Variants in WWOX observed in about 807,000 individuals in gnomAD.
The protein encoded by WWOX is WW domain-containing oxidoreductase.
In WWOX, 69 loss-of-function variants were observed where a neutral mutation model predicts 46.2. The ratio of observed to expected loss-of-function variants is 1.49; its 90% confidence interval spans 1.23 to 1.82. The LOEUF is 1.82. Among genes scored for constraint, WWOX ranks in the 40% most tolerant of loss-of-function variants. WWOX has a pLI of 0.00. For missense variants in WWOX, 919 were observed against 542.6 expected, an observed-to-expected ratio of 1.69 and a Z score of -6.89; for synonymous variants, 359 against 202.6, an observed-to-expected ratio of 1.77 and a Z score of -6.56.
intron 5 of WWOX, among the ~76,000 whole-genome samples, chr16:78,213,837 C>A (rs1014620218): frequency 2.0e-5 from 3 of 152,132 alleles, no homozygotes; most frequent in African/African-American, 7.2e-5. Flanking sequence ...TAAGTGTATT[C>A]GGTGCCTGAG....
chr16:78,443,333 AT>A (rs1403331032), intron 8 of WWOX, among the ~76,000 whole-genome samples: 1 of 151,856 alleles, frequency 6.6e-6, no homozygotes. Flanking sequence ...CCAAAACTAT[AT>A]GTGCAAGCCT....
chr16:78,451,932 G>C (rs974292636), intron 8 of WWOX, among the ~76,000 whole-genome samples: 7 of 152,150 alleles, frequency 4.6e-5, no homozygotes, highest in African/African-American at 9.7e-5. Context: ...GTAATGTATT[G>C]TTGGAGCCCT....
intron 5 of WWOX, among the ~76,000 whole-genome samples, chr16:78,343,964 T>A (rs1376049839): frequency 8.3e-6 from 1 of 120,374 alleles, no homozygotes; most frequent in South Asian, 2.5e-4. Flanking sequence ...TTTCTTCCTT[T>A]GCCTTCCTCC....
intron 8 of WWOX, among the ~76,000 whole-genome samples, chr16:79,091,455 C>T (rs1597367207): frequency 6.6e-6 from 1 of 152,082 alleles, no homozygotes; most frequent in South Asian, 2.1e-4. Context: ...TTCATTCTAC[C>T]CAATTTTTGT....
chr16:79,212,374 C>T lies in WWOX; in HGVS notation c.*578C>T, dbSNP rs2051795243. On this transcript the variant is annotated 3_prime_UTR_variant, in exon 9 of 9. Transcript: ENST00000566780. ...TGACACCCAGAGGGAGTAGAATACG[C>T]AGAACTACCAGGTGGCAAAGTACTT... The T allele has an allele frequency of 2.0e-6, 1 of 512,624 alleles. No individual in the cohort carries two copies. Among genetic ancestry groups the T allele is most frequent in the Non-Finnish European group, 3.4e-6 (1 of 297,428 alleles). 31.8% of individuals were successfully genotyped at this position (512,624 alleles called of 1,614,324 possible). A position where few individuals can be genotyped will look rare whatever the true frequency, so the allele number is the denominator to read the frequency against.
At chr16:78,200,242 C>T (rs537275748) in intron 5 of WWOX, among the ~76,000 whole-genome samples, 5 of 151,908 alleles carry the variant, frequency 3.3e-5, no homozygotes, top group Admixed American at 2.6e-4. Context: ...AAAAATTCCT[C>T]GCCCGACTTC....
In WWOX at chr16:78,310,117, C is replaced by G. The variant is rs150646135; in HGVS notation, c.517-76743C>G. Among the ~76,000 whole-genome samples the G allele has an allele frequency of 2.0e-3, 298 of 152,028 alleles. 1 individual carries two copies. Among genetic ancestry groups the G allele is most frequent in the African/African-American group, 7.1e-3 (295 of 41,450 alleles). On this transcript the variant is annotated intron_variant, in intron 5 of 8. Coordinates refer to ENST00000566780, the MANE Select transcript of WWOX (RefSeq NM_016373.4). ...TATCATCATCCATAGCTCTCTTGCC[C>G]CATTGTTTTAAACCCATCTGTTTTT...
intron 8 of WWOX, among the ~76,000 whole-genome samples, chr16:78,612,992 A>T (rs1354987530): frequency 6.6e-6 from 1 of 151,996 alleles, no homozygotes; most frequent in Non-Finnish European, 1.5e-5. Context: ...TGGATCTATG[A>T]CCCTGTCCTT....
intron 8 of WWOX, among the ~76,000 whole-genome samples, chr16:79,115,851 G>A (rs574213065): frequency 6.6e-6 from 1 of 152,210 alleles, no homozygotes; most frequent in Non-Finnish European, 1.5e-5. Flanking sequence ...CAATTCGGAT[G>A]TGTTAGAATG....
intron 5 of WWOX, among the ~76,000 whole-genome samples, chr16:78,256,017 G>A (rs1434753476): frequency 6.6e-6 from 1 of 151,610 alleles, no homozygotes; most frequent in Non-Finnish European, 1.5e-5. Context: ...GGGCATGGTG[G>A]CATGTGCCTG....
At chr16:78,615,424 G>C (rs2045999279) in intron 8 of WWOX, among the ~76,000 whole-genome samples, 1 of 152,074 alleles carries the variant, frequency 6.6e-6, no homozygotes, top group East Asian at 1.9e-4. Context: ...TGAGGCAGGA[G>C]GATCTCCTGA....
chr16:78,557,403 A>G (rs749323754), intron 8 of WWOX, among the ~76,000 whole-genome samples: 38 of 152,156 alleles, frequency 2.5e-4, no homozygotes, highest in Non-Finnish European at 4.0e-4. Flanking sequence ...TGTCACATTC[A>G]TTCAGCAGAT....
rs1555528822 is a variant in WWOX, at chr16:78,751,461, T to TA, written c.1056+318709_1056+318710insA. On this transcript the variant is annotated intron_variant, in intron 8 of 8. Transcript: ENST00000566780. Reference sequence around the variant, plus strand: ...AGATTATATATATATTTATCAGATTTTATATATATATATATATATATATAT... The same window carrying TA: ...AGATTATATATATATTTATCAGATTTATATATATATATATATATATATATAT... Among the ~76,000 whole-genome samples the TA allele has an allele frequency of 3.2e-3, 416 of 128,420 alleles. 2 individuals are homozygous for TA. Among genetic ancestry groups the TA allele is most frequent in the African/African-American group, 0.011 (380 of 33,436 alleles). 84.2% of individuals were successfully genotyped at this position (128,420 alleles called of 152,430 possible).
intron 8 of WWOX, among the ~76,000 whole-genome samples, chr16:79,044,552 G>T (rs1007271208): frequency 2.6e-5 from 4 of 152,202 alleles, no homozygotes; most frequent in Non-Finnish European, 5.9e-5. Flanking sequence ...CTTCTGCCAT[G>T]ATTGTAAGCT....
At chr16:78,996,416 T>A in intron 8 of WWOX, 2 of 852,422 alleles carry the variant, frequency 2.3e-6, no homozygotes, top group Non-Finnish European at 2.7e-6. Context: ...AATGATTTGC[T>A]CAAAGTTTGC....
At chr16:78,367,400 G>C (rs1264658018) in intron 5 of WWOX, among the ~76,000 whole-genome samples, 2 of 68,596 alleles carry the variant, frequency 2.9e-5, no homozygotes, top group African/African-American at 7.0e-5. Context: ...AACATGATGA[G>C]ATATTTTTTG....
intron 8 of WWOX, among the ~76,000 whole-genome samples, chr16:78,448,209 C>G (rs976659716): frequency 3.3e-5 from 5 of 152,176 alleles, no homozygotes; most frequent in African/African-American, 1.2e-4. Context: ...GTCCCTTCAG[C>G]TCATTTTCTG....
chr16:78,826,424 C>G (rs1048962596), intron 8 of WWOX, among the ~76,000 whole-genome samples: 6 of 152,196 alleles, frequency 3.9e-5, no homozygotes, highest in Non-Finnish European at 8.8e-5. Context: ...GCTATACTTA[C>G]TTTGGAGGCT....
At chr16:78,206,006 A>G (rs978448643) in intron 5 of WWOX, among the ~76,000 whole-genome samples, 1 of 137,000 alleles carries the variant, frequency 7.3e-6, no homozygotes, top group African/African-American at 2.7e-5. Context: ...TCCTGTCTCC[A>G]TTATTAACTT....
Sources: gnomAD v4.1 joint callset for allele counts (sites outside exome capture counted in the v4.1 genomes callset) on GRCh38, gnomAD v4.1.1 for gene constraint, MANE v1.5 for transcripts, NCBI Gene and HGNC (gene_info 2026-07-23, HGNC 2026-07-21) for gene names.